Variants in ZNF560 observed in about 807,000 individuals in gnomAD.
The protein encoded by ZNF560 is zinc finger protein 560.
In ZNF560, 54 loss-of-function variants were observed where a neutral mutation model predicts 81.8. The ratio of observed to expected loss-of-function variants is 0.66; its 90% CI spans 0.53 to 0.83. The LOEUF (loss-of-function observed/expected upper bound fraction) is 0.83, where lower values mean the gene tolerates loss of function less well. Among genes scored for constraint, ZNF560 ranks in the 40% least tolerant of loss-of-function variants. The pLI, the probability that ZNF560 is intolerant of heterozygous loss-of-function variation, is 0.00. For missense variants in ZNF560, 940 were observed against 932.4 expected, an observed-to-expected ratio of 1.01 and a Z score of -0.11; for synonymous variants, 321 against 317.9, an observed-to-expected ratio of 1.01 and a Z score of -0.10.
intron 7 of ZNF560, 22 bp from the exon 8 acceptor site, chr19:9,469,732 C>A: frequency 6.2e-7 from 1 of 1,608,902 alleles, no homozygotes; most frequent in Non-Finnish European, 8.5e-7. Context: ...GAAAGATACA[C>A]CAATGGAAGA....
intron 4 of ZNF560, among the ~76,000 whole-genome samples, chr19:9,473,602 G>T (rs775254190): frequency 1.3e-5 from 2 of 151,936 alleles, no homozygotes; most frequent in African/African-American, 2.4e-5. Context: ...TAATGGAAGA[G>T]GCTCATGCAA....
intron 2 of ZNF560, among the ~76,000 whole-genome samples, chr19:9,491,161 G>A (rs1442168851): frequency 6.6e-6 from 1 of 152,118 alleles, no homozygotes; most frequent in Non-Finnish European, 1.5e-5. Flanking sequence ...TGCCCAGGCT[G>A]GAGTGCAGTG....
chr19:9,502,986 G>A (rs1599692045), upstream of ZNF560, among the ~76,000 whole-genome samples: 1 of 151,818 alleles, frequency 6.6e-6, no homozygotes, highest in Non-Finnish European at 1.5e-5. Flanking sequence ...CCTTTCTTCT[G>A]TTAGATTAGT....
In ZNF560 at chr19:9,498,599, C is replaced by A. The variant is rs1263262337; in HGVS notation, c.-206G>T. 6.6e-6 allele frequency: 1 copy of A among 152,308 alleles called. No individual in the cohort carries two copies. The highest frequency in any genetic ancestry group is 2.4e-5 in the African/African-American group (1 of 41,456). The allele number at this position is 152,308 out of a possible 1,614,324, so 9.4% of individuals were successfully genotyped here. On this transcript the variant is annotated 5_prime_UTR_variant, in exon 1 of 10. Coordinates refer to ENST00000301480, the MANE Select transcript of ZNF560 (RefSeq NM_152476.3). ...GTGGCTCTGAGGAAACAGGCGCCAG[C>A]GACCAAAAGAGAGAACTGGCGCGCC...
At position 9,475,292 on chromosome 19, in the gene ZNF560, A is replaced by C; in HGVS notation, c.22T>G (p.Cys8Gly). 6.2e-7 allele frequency: 1 copy of C among 1,613,860 alleles called. No homozygotes were observed. Among genetic ancestry groups the C allele is most frequent in the African/African-American group, 1.3e-5 (1 of 75,014 alleles). Residue 8 changes from cysteine to glycine, a missense_variant, in exon 3 of 10, where the codon TGT becomes GGT. Physicochemically the swap from Cys to Gly is radical, Grantham distance 159. Coordinates refer to ENST00000301480, the MANE Select transcript of ZNF560 (RefSeq NM_152476.3). MAYCLTN[C>G]YQYSVTFEDT... Reference sequence around the variant, plus strand: ...ATACATTTTCTGCATACCTGATAACAATTTGTCAGGCAGTAAGCCATCTTC... The same window carrying C: ...ATACATTTTCTGCATACCTGATAACCATTTGTCAGGCAGTAAGCCATCTTC...
intron 7 of ZNF560, chr19:9,469,944 TTTTC>T (rs536913275): frequency 6.1e-6 from 3 of 492,132 alleles, no homozygotes; most frequent in Non-Finnish European, 1.1e-5. Flanking sequence ...GAGCTGCACT[TTTTC>T]TTTCTAAATG....
chr19:9,467,706 C>A lies in ZNF560; in HGVS notation c.1241G>T (p.Gly414Val). 9.3e-6 allele frequency: 15 copies of A among 1,613,806 alleles called. No individual in the cohort carries two copies. Among genetic ancestry groups the A allele is most frequent in the Non-Finnish European group, 1.2e-5 (14 of 1,179,954 alleles). Residue 414 changes from glycine (G) to valine (V), a missense_variant, in exon 10 of 10, where the codon GGT becomes GTT. Physicochemically the swap from Gly to Val is moderately radical, Grantham distance 109 (BLOSUM62 -3). Coordinates refer to ENST00000301480, the MANE Select transcript of ZNF560 (RefSeq NM_152476.3). The part of the protein sequence containing the change: ...YGCKECGKAF[G>V]TSAGLIEHIR... ...ATGTTCAATAAGGCCTGCAGATGTA[C>A]CAAAGGCTTTACCACATTCCTTACA...
downstream of ZNF560, among the ~76,000 whole-genome samples, chr19:9,465,687 T>C (rs917652911): frequency 6.6e-6 from 1 of 152,204 alleles, no homozygotes; most frequent in African/African-American, 2.4e-5. Context: ...ATTTTCCTCA[T>C]TCCTTACATA....
chr19:9,462,993 T>C (rs556117193), downstream of ZNF560, among the ~76,000 whole-genome samples: 1 of 152,182 alleles, frequency 6.6e-6, no homozygotes, highest in African/African-American at 2.4e-5. Context: ...AATACAGTGA[T>C]TAGTAATGAT....
chr19:9,483,721 C>T (rs891969583), intron 2 of ZNF560, among the ~76,000 whole-genome samples: 11 of 151,524 alleles, frequency 7.3e-5, no homozygotes, highest in East Asian at 2.0e-4. Context: ...AGGTGGGGGG[C>T]GCCTCTGCCC....
chr19:9,490,854 C>A (rs1599679107), intron 2 of ZNF560, among the ~76,000 whole-genome samples: 1 of 152,242 alleles, frequency 6.6e-6, no homozygotes, highest in African/African-American at 2.4e-5. Flanking sequence ...AGGTAACACA[C>A]CACTCAGGAT....
upstream of ZNF560, among the ~76,000 whole-genome samples, chr19:9,503,137 C>A (rs2073644809): frequency 6.6e-6 from 1 of 152,104 alleles, no homozygotes; most frequent in South Asian, 2.1e-4. Context: ...GAGAAGATTG[C>A]TTGAGCCCAG....
chr19:9,489,485 G>T lies in ZNF560; in HGVS notation c.-57+8643C>A, dbSNP rs923490114. On this transcript the variant is annotated intron_variant, in intron 2 of 9. Transcript: ENST00000301480. ...ATGCTCCTCACTTTCCAGACAGTGGGGCTGCCGGGCAGAGGTGCTCATCAC... is the reference window on the plus strand; with the variant it reads ...ATGCTCCTCACTTTCCAGACAGTGGTGCTGCCGGGCAGAGGTGCTCATCAC... Among the ~76,000 whole-genome samples, 5 of 151,594 alleles carry T rather than the reference G, an allele frequency of 3.3e-5. No homozygotes were observed. In the South Asian group the frequency reaches 1.0e-3, roughly 32 times the overall value.
At chr19:9,452,818 G>A in the ZNF560 span, among the ~76,000 whole-genome samples, 16 of 152,190 alleles carry the variant, frequency 1.1e-4, no homozygotes, top group African/African-American at 3.9e-4. Flanking sequence ...TACCACTTGG[G>A]TGATGGATCA....
the ZNF560 span, among the ~76,000 whole-genome samples, chr19:9,458,260 AAC>A: frequency 1.5e-5 from 2 of 134,476 alleles, no homozygotes; most frequent in Non-Finnish European, 3.2e-5. Context: ...CCATTTTCCT[AAC>A]ATGAAACTGT....
At chr19:9,465,891 G>T (rs2073007071), downstream of ZNF560, among the ~76,000 whole-genome samples, 1 of 152,172 alleles carries the variant, frequency 6.6e-6, no homozygotes, top group African/African-American at 2.4e-5. Flanking sequence ...CTACTCGGGA[G>T]GCTGAGGCAG....
chr19:9,488,228 C>T (rs1010051959), intron 2 of ZNF560, among the ~76,000 whole-genome samples: 13 of 152,132 alleles, frequency 8.5e-5, no homozygotes, highest in African/African-American at 2.2e-4. Flanking sequence ...CATGTTTTGC[C>T]GCAACACGTG....
chr19:9,482,787 C>A (rs138719807), intron 2 of ZNF560, among the ~76,000 whole-genome samples: 1 of 149,828 alleles, frequency 6.7e-6, no homozygotes, highest in South Asian at 2.1e-4. Flanking sequence ...CTCAGCCTGC[C>A]GAGTGCCTGC....
intron 4 of ZNF560, 50 bp from the exon 5 acceptor site, chr19:9,473,309 A>T (rs1035242643): frequency 4.2e-6 from 6 of 1,424,824 alleles, no homozygotes; most frequent in Middle Eastern, 1.8e-4. Context: ...GGCCAGGCAC[A>T]GTGGCTCATG....
Sources: gnomAD v4.1 joint callset for allele counts (sites outside exome capture counted in the v4.1 genomes callset) on GRCh38, gnomAD v4.1.1 for gene constraint, MANE v1.5 for transcripts, NCBI Gene and HGNC (gene_info 2026-07-23, HGNC 2026-07-21) for gene names.